The following LOXL2 variants were observed in gnomAD, a reference collection of about 807,000 sequenced individuals.
LOXL2 encodes the protein lysyl oxidase homolog 2.
In LOXL2, 70 loss-of-function variants were observed where a neutral mutation model predicts 93.0. That is an observed-to-expected ratio of 0.75 (90% CI 0.62 to 0.92). LOXL2 has a LOEUF of 0.92. LOXL2 is among the 40% of genes least tolerant of loss of function. LOXL2 has a pLI of 0.00. For missense variants in LOXL2, 973 were observed against 1,054.9 expected (o/e 0.92, Z 1.08); for synonymous variants, 438 against 413.2 (o/e 1.06, Z -0.73).
intron 5 of LOXL2, among the ~76,000 whole-genome samples, chr8:23,332,467 A>G (rs1304338727): frequency 1.5e-5 from 1 of 65,846 alleles, no homozygotes; most frequent in Non-Finnish European, 2.8e-5. Flanking sequence ...CCACACACAT[A>G]CCCCCCACAC....
chr8:23,308,216 G>C (rs1259999877), intron 10 of LOXL2, among the ~76,000 whole-genome samples: 1 of 152,200 alleles, frequency 6.6e-6, no homozygotes, highest in Non-Finnish European at 1.5e-5. Flanking sequence ...TTCCGGAGCT[G>C]CAGCGGAGCC....
rs146847539 is a variant in LOXL2 at position 23,327,907 on chromosome 8, C to T, written c.1150+475G>A. Among the ~76,000 whole-genome samples, 600 of 152,288 alleles carry T rather than the reference C, an allele frequency of 3.9e-3. 5 individuals are homozygous for T. Among genetic ancestry groups the T allele is most frequent in the African/African-American group, 0.014 (581 of 41,554 alleles). On this transcript the variant is annotated intron_variant, in intron 6 of 13. Coordinates refer to ENST00000389131, the MANE Select transcript of LOXL2 (RefSeq NM_002318.3). ...ACATCCGGAGGGCGGCTTCTTGTTCCCTTTCTCTGCTGTCAGGGAGGGAGT... is the reference window on the plus strand; with the variant it reads ...ACATCCGGAGGGCGGCTTCTTGTTCTCTTTCTCTGCTGTCAGGGAGGGAGT...
chr8:23,351,884 A>G (rs1804099561), intron 3 of LOXL2, among the ~76,000 whole-genome samples: 1 of 152,162 alleles, frequency 6.6e-6, no homozygotes, highest in Non-Finnish European at 1.5e-5. Context: ...TCTGTTGCCC[A>G]GGCTGGAGTG....
At chr8:23,317,940 A>C (rs1304790997) in intron 8 of LOXL2, among the ~76,000 whole-genome samples, 2 of 149,018 alleles carry the variant, frequency 1.3e-5, no homozygotes, top group Non-Finnish European at 3.0e-5. Context: ...CCATCAGGAT[A>C]GGAAGGGCCT....
chr8:23,322,017 TGCAGCAGTACTAGCA>T (rs1803505147), intron 7 of LOXL2, 98 bp downstream of exon 7: 5 of 1,199,938 alleles, frequency 4.2e-6, no homozygotes, highest in Non-Finnish European at 5.9e-6. Flanking sequence ...TGGCAATGTC[TGCAGCAGTACTAGCA>T]GCAGCACCTG....
intron 1 of LOXL2, among the ~76,000 whole-genome samples, chr8:23,384,213 T>C (rs1804723154): frequency 6.6e-6 from 1 of 152,186 alleles, no homozygotes; most frequent in Admixed American, 6.5e-5. Context: ...ACAGGAATTA[T>C]GGGTTATAAG....
At chr8:23,393,727 C>CA (rs36103971) in intron 1 of LOXL2, among the ~76,000 whole-genome samples, 85 of 150,826 alleles carry the variant, frequency 5.6e-4, no homozygotes, top group Middle Eastern at 3.4e-3. Context: ...TTCTGCACAT[C>CA]AAAAAAAAAT....
At chr8:23,317,764 C>T (rs1803425287) in intron 8 of LOXL2, among the ~76,000 whole-genome samples, 1 of 152,154 alleles carries the variant, frequency 6.6e-6, no homozygotes, top group African/African-American at 2.4e-5. Flanking sequence ...TTTACTCTCA[C>T]ACTTCAGAGA....
chr8:23,394,812 A>C (rs1338314268), intron 1 of LOXL2, among the ~76,000 whole-genome samples: 1 of 149,532 alleles, frequency 6.7e-6, no homozygotes, highest in African/African-American at 2.4e-5. Flanking sequence ...TTTTACATGA[A>C]TGTTCATAGC....
At chr8:23,354,365 TCACA>T (rs1327054396) in intron 3 of LOXL2, among the ~76,000 whole-genome samples, 1 of 152,094 alleles carries the variant, frequency 6.6e-6, no homozygotes. Context: ...ACGACCAGGG[TCACA>T]AGACACAGAG....
At chr8:23,307,257 C>G (rs1461021462) in intron 10 of LOXL2, among the ~76,000 whole-genome samples, 1 of 152,218 alleles carries the variant, frequency 6.6e-6, no homozygotes, top group African/African-American at 2.4e-5. Context: ...CCCACAGCAC[C>G]TGGAGAAGTC....
chr8:23,302,089 G>A lies in LOXL2; in HGVS notation c.2071C>T (p.His691Tyr). ...TCAACCCACTGGCAGTCGATGTCAT[G>A]GCGGTACATGTCCCAGCAGCCCATG... ...ITMGCWDMYR[H>Y]DIDCQWVDIT... Residue 691 changes from histidine (H) to tyrosine (Y), a missense_variant, in exon 12 of 14, where the codon CAT becomes TAT. Physicochemically the swap from His to Tyr is moderately conservative, Grantham distance 83. Coordinates refer to ENST00000389131, the MANE Select transcript of LOXL2 (RefSeq NM_002318.3). 5.6e-6 allele frequency: 9 copies of A among 1,614,158 alleles called. No individual in the cohort carries two copies. Among genetic ancestry groups the A allele is most frequent in the Non-Finnish European group, 7.6e-6 (9 of 1,180,000 alleles).
chr8:23,351,211 G>C (rs145026836), intron 3 of LOXL2, among the ~76,000 whole-genome samples: 2 of 152,144 alleles, frequency 1.3e-5, no homozygotes, highest in Non-Finnish European at 2.9e-5. Flanking sequence ...GGATGGGGTC[G>C]GGGGATTCCT....
chr8:23,383,925 G>C (rs1312698992), intron 1 of LOXL2, among the ~76,000 whole-genome samples: 2 of 152,124 alleles, frequency 1.3e-5, no homozygotes, highest in East Asian at 1.9e-4. Context: ...CTCCCAAAGT[G>C]CTGGGATTAC....
intron 1 of LOXL2, among the ~76,000 whole-genome samples, chr8:23,372,067 C>A (rs992695725): frequency 1.3e-5 from 2 of 151,898 alleles, no homozygotes; most frequent in Non-Finnish European, 2.9e-5. Context: ...TAAAAAGTAA[C>A]ATAAAACAAT....
chr8:23,372,299 C>T (rs1008950503), intron 1 of LOXL2, among the ~76,000 whole-genome samples: 4 of 151,326 alleles, frequency 2.6e-5, no homozygotes, highest in African/African-American at 9.7e-5. Flanking sequence ...CTCACTGCAA[C>T]CACTGCCTCC....
In LOXL2 at chr8:23,319,483, G is replaced by T. The variant is rs555852919; in HGVS notation, c.1470+402C>A. Among the ~76,000 whole-genome samples the T allele has an allele frequency of 6.1e-3, 932 of 152,278 alleles. 3 individuals are homozygous for T. Among genetic ancestry groups the T allele is most frequent in the South Asian group, 0.02 (98 of 4,832 alleles). ...GCGGGTTTCAAGGGAGCAAGCTAAG[G>T]CGTTTAGCGGGGGTTGAGCCTTGGG... On this transcript the variant is annotated intron_variant, in intron 8 of 13. Coordinates refer to ENST00000389131, the MANE Select transcript of LOXL2 (RefSeq NM_002318.3).
intron 3 of LOXL2, among the ~76,000 whole-genome samples, chr8:23,354,536 G>C (rs955990585): frequency 6.6e-6 from 1 of 152,022 alleles, no homozygotes; most frequent in Admixed American, 6.6e-5. Flanking sequence ...CTGGAGAAAA[G>C]GCAAAGAGAG....
chr8:23,387,682 G>T (rs946180308), intron 1 of LOXL2, among the ~76,000 whole-genome samples: 8 of 152,332 alleles, frequency 5.3e-5, no homozygotes, highest in African/African-American at 1.7e-4. Context: ...AGGCACGGTG[G>T]CTCATGCCTG....
Sources: allele counts gnomAD v4.1 joint callset (sites outside exome capture counted in the v4.1 genomes callset), GRCh38; gene constraint gnomAD v4.1.1; transcripts MANE v1.5; gene names NCBI Gene and HGNC (gene_info 2026-07-23, HGNC 2026-07-21).